ATP6V1H: variants seen among roughly 807,000 people sequenced by gnomAD.
The protein encoded by ATP6V1H is ATPase H+ transporting V1 subunit H, also known as V-type proton ATPase subunit H.
A neutral mutation model predicts 71.7 loss-of-function variants in ATP6V1H; 39 were observed. That is an observed-to-expected ratio of 0.54 (90% CI 0.42 to 0.71). ATP6V1H has a LOEUF of 0.71. Ranked by LOEUF, ATP6V1H falls within the 30% of genes least tolerant of loss-of-function variation. ATP6V1H has a pLI of 0.00. For synonymous variants in ATP6V1H, 192 were observed against 199.3 expected, an observed-to-expected ratio of 0.96 and a Z score of 0.31; for missense variants, 509 against 594.9, an observed-to-expected ratio of 0.86 and a Z score of 1.50.
chr8:53,728,575 T>C (rs977369295), intron 13 of ATP6V1H, among the ~76,000 whole-genome samples: 1 of 152,238 alleles, frequency 6.6e-6, no homozygotes, highest in African/African-American at 2.4e-5. Flanking sequence ...GCTGTGCTCC[T>C]CTAGGCAACA....
chr8:53,763,256 C>T lies in ATP6V1H; in HGVS notation c.1175+6362G>A, dbSNP rs142466096. 2.2e-3 allele frequency among the ~76,000 whole-genome samples: 336 copies of T among 152,292 alleles called. 2 individuals are homozygous for T. Among genetic ancestry groups the T allele is most frequent in the African/African-American group, 7.8e-3 (325 of 41,574 alleles). On this transcript the variant is annotated intron_variant, in intron 11 of 13. Transcript: ENST00000359530. ...AGGAATCCAATAAAGACAAAGGTTT[C>T]ATAAGTTCAATCTACAAAACTCAAT...
Position 53,795,851 on chromosome 8 carries a change from AC to A in ATP6V1H, c.678-13del. ...ACACTCCCATTATGCTGAAAAACAA[AC>A]AAACAAAAAAAACACATTTACAAAA... On this transcript the variant is annotated splice_polypyrimidine_tract_variant and intron_variant, in intron 8 of 13. Transcript: ENST00000359530. 6.3e-7 allele frequency: 1 copy of A among 1,574,894 alleles called. No individual in the cohort carries two copies. The highest frequency in any genetic ancestry group is 8.6e-7 in the Non-Finnish European group (1 of 1,166,124).
At chr8:53,828,093 T>C (rs1810880745) in intron 4 of ATP6V1H, among the ~76,000 whole-genome samples, 2 of 152,206 alleles carry the variant, frequency 1.3e-5, no homozygotes, top group South Asian at 2.1e-4. Flanking sequence ...GTCTTTACAG[T>C]AGGACGATTT....
chr8:53,815,289 T>C (rs1403334842), intron 5 of ATP6V1H, among the ~76,000 whole-genome samples: 1 of 152,218 alleles, frequency 6.6e-6, no homozygotes, highest in Non-Finnish European at 1.5e-5. Context: ...TTTCTCCATT[T>C]TCTTCAAGCT....
chr8:53,762,887 T>A (rs1430372753), intron 11 of ATP6V1H, among the ~76,000 whole-genome samples: 2 of 152,214 alleles, frequency 1.3e-5, no homozygotes, highest in Non-Finnish European at 2.9e-5. Flanking sequence ...CATGTTCTCT[T>A]TCTCAGCTTA....
At chr8:53,737,829 C>T (rs1343503120) in intron 13 of ATP6V1H, among the ~76,000 whole-genome samples, 3 of 152,198 alleles carry the variant, frequency 2.0e-5, no homozygotes, top group African/African-American at 7.2e-5. Context: ...AGAATATTTA[C>T]ATCAAAAGGT....
chr8:53,810,885 T>C (rs532167401), intron 7 of ATP6V1H, among the ~76,000 whole-genome samples: 1 of 152,344 alleles, frequency 6.6e-6, no homozygotes, highest in Non-Finnish European at 1.5e-5. Context: ...GCTCCAGTTG[T>C]GCTTCTGAAT....
chr8:53,814,206 G>A (rs901049455), intron 6 of ATP6V1H, among the ~76,000 whole-genome samples: 2 of 152,020 alleles, frequency 1.3e-5, no homozygotes, highest in South Asian at 2.1e-4. Context: ...AAGATTTCTC[G>A]CACAAATCTT....
intron 4 of ATP6V1H, among the ~76,000 whole-genome samples, chr8:53,824,739 A>C (rs1810773313): frequency 6.6e-6 from 1 of 152,144 alleles, no homozygotes; most frequent in Non-Finnish European, 1.5e-5. Flanking sequence ...ATAAGCCATA[A>C]GAATTAAAAA....
At chr8:53,720,664 T>C (rs1348573749) in intron 13 of ATP6V1H, among the ~76,000 whole-genome samples, 2 of 152,258 alleles carry the variant, frequency 1.3e-5, no homozygotes, top group Non-Finnish European at 2.9e-5. Flanking sequence ...TGTTTCAACA[T>C]GCTAACTTTA....
intron 13 of ATP6V1H, among the ~76,000 whole-genome samples, chr8:53,742,737 C>A (rs962788892): frequency 6.6e-6 from 1 of 152,216 alleles, no homozygotes; most frequent in Non-Finnish European, 1.5e-5. Flanking sequence ...ACTGTATGTG[C>A]CTGCATCTTC....
chr8:53,734,642 T>C (rs554996490), intron 13 of ATP6V1H, among the ~76,000 whole-genome samples: 1 of 152,244 alleles, frequency 6.6e-6, no homozygotes, highest in South Asian at 2.1e-4. Context: ...CTGCAACTAT[T>C]AGAAGCAGCG....
intron 9 of ATP6V1H, among the ~76,000 whole-genome samples, chr8:53,775,375 A>G (rs1161896986): frequency 6.6e-6 from 1 of 152,200 alleles, no homozygotes; most frequent in Non-Finnish European, 1.5e-5. Flanking sequence ...CGGGTTGCCA[A>G]TGCTGGCTCG....
chr8:53,806,564 G>GA (rs1375514537), intron 7 of ATP6V1H, among the ~76,000 whole-genome samples: 3 of 151,508 alleles, frequency 2.0e-5, no homozygotes, highest in Admixed American at 6.6e-5. Flanking sequence ...CTTTATTACA[G>GA]AAAAAAAATT....
At chr8:53,796,286 T>C (rs915488997) in intron 8 of ATP6V1H, among the ~76,000 whole-genome samples, 15 of 152,136 alleles carry the variant, frequency 9.9e-5, no homozygotes, top group Non-Finnish European at 2.1e-4. Context: ...AGCCAATTAC[T>C]GAATTCGGGG....
At chr8:53,759,795 CT>C (rs1403574935) in intron 11 of ATP6V1H, among the ~76,000 whole-genome samples, 1 of 152,120 alleles carries the variant, frequency 6.6e-6, no homozygotes, top group African/African-American at 2.4e-5. Context: ...TATTTCAAAA[CT>C]ACTAACATAC....
chr8:53,743,575 A>G lies in ATP6V1H; in HGVS notation c.1391+2T>C, dbSNP rs765335609. ...AAGTGTGAGCAAAAAGCCGTGGCATACCAGTTGTGCACCATGAGCTTCTGC... is the reference window on the plus strand; with the variant it reads ...AAGTGTGAGCAAAAAGCCGTGGCATGCCAGTTGTGCACCATGAGCTTCTGC... On this transcript the variant is annotated splice_donor_variant, in intron 13 of 13. Transcript: ENST00000359530. LOFTEE classifies it high-confidence loss of function. 9.3e-6 allele frequency: 15 copies of G among 1,612,030 alleles called. No homozygotes were observed. Among genetic ancestry groups the G allele is most frequent in the Non-Finnish European group, 1.3e-5 (15 of 1,178,210 alleles).
intron 12 of ATP6V1H, among the ~76,000 whole-genome samples, chr8:53,748,309 T>C (rs763609381): frequency 6.6e-6 from 1 of 152,190 alleles, no homozygotes; most frequent in Admixed American, 6.5e-5. Context: ...GTAATGATAG[T>C]ATTCAGTGCT....
rs898981561 is a variant in ATP6V1H, at chr8:53,746,662, C to A, written c.1278-2972G>T. 2.0e-5 allele frequency among the ~76,000 whole-genome samples: 3 copies of A among 152,264 alleles called. No individual in the cohort carries two copies. In the East Asian group the frequency reaches 5.8e-4, roughly 29 times the overall value. On this transcript the variant is annotated intron_variant, in intron 12 of 13. Coordinates refer to ENST00000359530, the MANE Select transcript of ATP6V1H (RefSeq NM_015941.4). Reference sequence around the variant, plus strand: ...ATACCAAGTGGATGATCTCGCCCCACTGAAACTCACAGTGCTATTGAAATA... The same window carrying A: ...ATACCAAGTGGATGATCTCGCCCCAATGAAACTCACAGTGCTATTGAAATA...
Sources: allele counts gnomAD v4.1 joint callset (sites outside exome capture counted in the v4.1 genomes callset), GRCh38; gene constraint gnomAD v4.1.1; transcripts MANE v1.5; gene names NCBI Gene and HGNC (gene_info 2026-07-23, HGNC 2026-07-21).